LTBP1: variants seen among roughly 807,000 people sequenced by gnomAD.
LTBP1 encodes the protein latent transforming growth factor beta binding protein 1.
LTBP1 carries 129 observed loss-of-function variants against 207.6 expected under a neutral mutation model. The observed-to-expected ratio is 0.62, with a 90% CI of 0.54 to 0.72. The LOEUF (loss-of-function observed/expected upper bound fraction) is 0.72. LTBP1 is among the 30% of genes least tolerant of loss of function. LTBP1 has a pLI of 0.00. For missense variants in LTBP1, 2,281 were observed against 2,217.2 expected, an observed-to-expected ratio of 1.03 and a Z score of -0.58; for synonymous variants, 963 against 833.7, an observed-to-expected ratio of 1.16 and a Z score of -2.67.
chr2:33,232,975 T>A (rs1362526918), intron 9 of LTBP1, among the ~76,000 whole-genome samples: 1 of 152,152 alleles, frequency 6.6e-6, no homozygotes, highest in African/African-American at 2.4e-5. Context: ...TGTGTTTCTC[T>A]CTTTTGAGAT....
At chr2:33,188,427 C>CAAAA (rs577171233) in intron 6 of LTBP1, 150 bp from the exon 7 acceptor site, 1,399 of 348,258 alleles carry the variant, frequency 4.0e-3, no homozygotes, top group African/African-American at 6.9e-3. Context: ...AACTCCATCT[C>CAAAA]AAAAAAAAAA....
intron 19 of LTBP1, among the ~76,000 whole-genome samples, chr2:33,283,706 G>T (rs59830763): frequency 0.041 from 6,288 of 152,168 alleles, 443 homozygotes; most frequent in African/African-American, 0.14. Flanking sequence ...AAAGTGCTGG[G>T]ATTACAGGCG....
At chr2:33,277,794 T>TG (rs1491228012) in intron 18 of LTBP1, among the ~76,000 whole-genome samples, 1 of 110,278 alleles carries the variant, frequency 9.1e-6, no homozygotes, top group African/African-American at 4.0e-5. Flanking sequence ...TCTTTCTTTC[T>TG]TTCTCTCTCT....
At chr2:33,215,863 G>A (rs967899748) in intron 7 of LTBP1, among the ~76,000 whole-genome samples, 9 of 151,882 alleles carry the variant, frequency 5.9e-5, no homozygotes, top group Admixed American at 3.3e-4. Context: ...CTAGAGGCAC[G>A]CACCACCACG....
chr2:33,181,313 A>G (rs1294935808), intron 5 of LTBP1, among the ~76,000 whole-genome samples: 3 of 152,228 alleles, frequency 2.0e-5, no homozygotes, highest in Non-Finnish European at 4.4e-5. Context: ...ATATTTGTTC[A>G]TCTAAACAAG....
intron 2 of LTBP1, among the ~76,000 whole-genome samples, chr2:32,986,082 C>A (rs1347729078): frequency 1.3e-5 from 2 of 152,250 alleles, no homozygotes; most frequent in African/African-American, 4.8e-5. Flanking sequence ...ATAAATATTT[C>A]TTTGAATGAA....
intron 5 of LTBP1, among the ~76,000 whole-genome samples, chr2:33,163,716 C>A (rs577367371): frequency 3.3e-5 from 5 of 152,178 alleles, no homozygotes; most frequent in African/African-American, 1.2e-4. Flanking sequence ...AAAGAAGCAG[C>A]ACCTGGATTT....
intron 4 of LTBP1, among the ~76,000 whole-genome samples, chr2:33,128,762 T>G (rs2081590862): frequency 6.6e-6 from 1 of 152,202 alleles, no homozygotes; most frequent in Non-Finnish European, 1.5e-5. Flanking sequence ...ACATTCTCAA[T>G]TCAGAATTAG....
At chr2:33,311,453 A>G (rs1174804682) in intron 23 of LTBP1, among the ~76,000 whole-genome samples, 1 of 151,856 alleles carries the variant, frequency 6.6e-6, no homozygotes, top group African/African-American at 2.4e-5. Context: ...TGAATTATAA[A>G]TATATGTGAG....
At chr2:33,157,943 A>G (rs1230265581) in intron 5 of LTBP1, among the ~76,000 whole-genome samples, 2 of 152,116 alleles carry the variant, frequency 1.3e-5, no homozygotes, top group Non-Finnish European at 2.9e-5. Context: ...GGAGTTTGAG[A>G]CCAGCATGGC....
intron 33 of LTBP1, among the ~76,000 whole-genome samples, chr2:33,398,140 G>A (rs974934826): frequency 1.3e-5 from 2 of 152,152 alleles, no homozygotes; most frequent in African/African-American, 4.8e-5. Flanking sequence ...CTCACAAAAT[G>A]CTCATGTTTT....
Position 33,255,901 on chromosome 2 carries a change from C to T in LTBP1, c.2168-1383C>T, listed in dbSNP as rs550092405. ...TAGAAATAAAAAAGTTAACCATAAG[C>T]TCCTTGGTGTCTACATTTGGTAATT... On this transcript the variant is annotated intron_variant, in intron 11 of 33. Transcript: ENST00000404816. Among the ~76,000 whole-genome samples, 31 of 152,216 alleles carry T rather than the reference C, an allele frequency of 2.0e-4. No individual in the cohort carries two copies. The South Asian group carries it at 6.4e-3, about 32-fold the overall frequency.
intron 31 of LTBP1, among the ~76,000 whole-genome samples, chr2:33,366,141 C>T (rs1408100340): frequency 1.3e-5 from 2 of 152,180 alleles, no homozygotes; most frequent in Non-Finnish European, 2.9e-5. Context: ...TGGCTTTGTG[C>T]TTCCTGGCTA....
At chr2:33,034,886 C>T (rs960419805) in intron 3 of LTBP1, among the ~76,000 whole-genome samples, 3 of 152,100 alleles carry the variant, frequency 2.0e-5, no homozygotes, top group Admixed American at 6.6e-5. Context: ...TGAACATTTA[C>T]GATTATGCCA....
chr2:32,992,267 A>G (rs1300571587), intron 2 of LTBP1, among the ~76,000 whole-genome samples: 6 of 152,178 alleles, frequency 3.9e-5, no homozygotes, highest in African/African-American at 1.2e-4. Context: ...ACCCAATGCC[A>G]TTGGGGTTCA....
chr2:33,152,949 C>CT (rs1222982025), intron 5 of LTBP1, among the ~76,000 whole-genome samples: 5 of 152,190 alleles, frequency 3.3e-5, no homozygotes, highest in African/African-American at 1.2e-4. Context: ...ATTTTTAAGT[C>CT]TTAATTTCTT....
intron 2 of LTBP1, among the ~76,000 whole-genome samples, chr2:32,977,886 A>G (rs1682073882): frequency 6.6e-6 from 1 of 151,970 alleles, no homozygotes; most frequent in Non-Finnish European, 1.5e-5. Flanking sequence ...TTCCCTCTTC[A>G]GTTTCTTGCA....
intron 5 of LTBP1, among the ~76,000 whole-genome samples, chr2:33,184,204 A>G (rs1478637618): frequency 6.6e-6 from 1 of 152,110 alleles, no homozygotes; most frequent in Non-Finnish European, 1.5e-5. Context: ...CCCGCATGCC[A>G]TCACTGGAGT....
rs765012913 is a variant in LTBP1 at position 33,301,522 on chromosome 2, A to G, written c.3359A>G (p.Asp1120Gly). ...TTTCTTTGTATTCTCTTGCTCATAGACATTGATGAATGCCAGCACCGTCAT... is the reference window on the plus strand; with the variant it reads ...TTTCTTTGTATTCTCTTGCTCATAGGCATTGATGAATGCCAGCACCGTCAT... ...QLSAAKDQCE[D>G]IDECQHRHLC... Residue 1120 changes from aspartate to glycine, a missense_variant and splice_region_variant, in exon 22 of 34, where the codon GAC (aspartate) becomes GGC (glycine). By Grantham distance (94) the Asp-to-Gly change is moderately conservative (BLOSUM62 -1). Coordinates refer to ENST00000404816, the MANE Select transcript of LTBP1 (RefSeq NM_206943.4). 6.3e-7 allele frequency: 1 copy of G among 1,591,660 alleles called. No individual in the cohort carries two copies. The highest frequency in any genetic ancestry group is 8.5e-7 in the Non-Finnish European group (1 of 1,172,722).
Sources: allele counts gnomAD v4.1 joint callset (sites outside exome capture counted in the v4.1 genomes callset), GRCh38; gene constraint gnomAD v4.1.1; transcripts MANE v1.5; gene names NCBI Gene and HGNC (gene_info 2026-07-23, HGNC 2026-07-21).